RAP1GDS1: variants seen among roughly 807,000 people sequenced by gnomAD.
RAP1GDS1 encodes the protein Rap1 GTPase-GDP dissociation stimulator 1, also known as RAP1, GTP-GDP dissociation stimulator 1.
In RAP1GDS1, 35 loss-of-function variants were observed where a neutral mutation model predicts 71.1. The ratio of observed to expected loss-of-function variants is 0.49; its 90% CI spans 0.38 to 0.65. The LOEUF (loss-of-function observed/expected upper bound fraction) is 0.65, where lower values mean the gene tolerates loss of function less well. Among genes scored for constraint, RAP1GDS1 ranks in the 30% least tolerant of loss-of-function variants. RAP1GDS1 has a pLI of 0.00. For synonymous variants in RAP1GDS1, 229 were observed against 243.1 expected (o/e 0.94, Z 0.54); for missense variants, 663 against 706.1 (o/e 0.94, Z 0.69).
chr4:98,386,943 A>G (rs554734173), intron 5 of RAP1GDS1, among the ~76,000 whole-genome samples: 1 of 152,240 alleles, frequency 6.6e-6, no homozygotes, highest in South Asian at 2.1e-4. Context: ...CAGATATGTC[A>G]TTAAATCAAA....
rs890171384 is a variant in RAP1GDS1, at chr4:98,293,335, T to C, written c.5-73T>C. On this transcript the variant is annotated intron_variant, in intron 1 of 14. Coordinates refer to ENST00000408927, the MANE Select transcript of RAP1GDS1 (RefSeq NM_001100427.2). ...GGAAGCTCTCCAGTTTAGTGGTAAC[T>C]GTTTATCCTTTTGTCATGTAACATA... The C allele has an allele frequency of 7.1e-6, 7 of 990,844 alleles. No homozygotes were observed. The African/African-American group carries it at 9.9e-5, about 14-fold the overall frequency. 61.4% of individuals were successfully genotyped at this position (990,844 alleles called of 1,614,324 possible).
intron 4 of RAP1GDS1, among the ~76,000 whole-genome samples, chr4:98,372,614 C>T (rs907290316): frequency 1.3e-5 from 2 of 152,188 alleles, no homozygotes; most frequent in Non-Finnish European, 2.9e-5. Context: ...CACTTCCTCC[C>T]TTAAATCTTT....
chr4:98,330,644 C>T (rs1406648049), intron 2 of RAP1GDS1, among the ~76,000 whole-genome samples: 26 of 151,062 alleles, frequency 1.7e-4, no homozygotes, highest in Non-Finnish European at 3.8e-4. Context: ...CAGAGACGCT[C>T]CTCACTTCCT....
In RAP1GDS1 at chr4:98,262,343, T is replaced by C. The variant is rs73832186; in HGVS notation, c.4+774T>C. Among the ~76,000 whole-genome samples, 752 of 152,358 alleles carry C rather than the reference T, an allele frequency of 4.9e-3. 7 individuals are homozygous for C. The highest frequency in any genetic ancestry group is 0.018 in the South Asian group (87 of 4,832). On this transcript the variant is annotated intron_variant, in intron 1 of 14. Transcript: ENST00000408927. ...TGGTAGTTATTCTTTCCCAGCTTCC[T>C]CCTGTCTAATCTGCATAATCTGATT...
intron 2 of RAP1GDS1, among the ~76,000 whole-genome samples, chr4:98,332,788 C>T (rs1282272106): frequency 6.6e-6 from 1 of 152,122 alleles, no homozygotes; most frequent in African/African-American, 2.4e-5. Flanking sequence ...AAACCTTGTT[C>T]TAACACAGGG....
chr4:98,399,764 A>G (rs1026687253), intron 6 of RAP1GDS1, among the ~76,000 whole-genome samples: 3 of 152,216 alleles, frequency 2.0e-5, no homozygotes, highest in Non-Finnish European at 4.4e-5. Context: ...GGCTATTATT[A>G]AAAAGACAAA....
intron 12 of RAP1GDS1, among the ~76,000 whole-genome samples, chr4:98,426,641 T>C (rs1749652875): frequency 6.6e-6 from 1 of 151,686 alleles, no homozygotes; most frequent in African/African-American, 2.4e-5. Flanking sequence ...CCTGGAAAAA[T>C]ACAACCTTGC....
At chr4:98,346,700 A>G (rs1351980967) in intron 3 of RAP1GDS1, among the ~76,000 whole-genome samples, 1 of 151,932 alleles carries the variant, frequency 6.6e-6, no homozygotes, top group Non-Finnish European at 1.5e-5. Flanking sequence ...ACGTACCACC[A>G]CACCCGGCTA....
chr4:98,355,796 G>A (rs1165355393), intron 4 of RAP1GDS1, among the ~76,000 whole-genome samples: 3 of 152,034 alleles, frequency 2.0e-5, no homozygotes, highest in African/African-American at 4.8e-5. Context: ...GGAAGAAAAC[G>A]GCCTTATATA....
At chr4:98,336,115 C>G (rs1734688740) in intron 2 of RAP1GDS1, among the ~76,000 whole-genome samples, 1 of 152,058 alleles carries the variant, frequency 6.6e-6, no homozygotes, top group Non-Finnish European at 1.5e-5. Context: ...TATTTTTTCA[C>G]TATGTTTTAT....
intron 4 of RAP1GDS1, among the ~76,000 whole-genome samples, chr4:98,369,972 A>G (rs1740117671): frequency 6.6e-6 from 1 of 152,250 alleles, no homozygotes; most frequent in Non-Finnish European, 1.5e-5. Context: ...GTTCTGGAAA[A>G]CATGGCTATG....
chr4:98,392,072 C>G lies in RAP1GDS1; in HGVS notation c.629C>G (p.Ala210Gly). 1 of 1,611,640 alleles carries G rather than the reference C, an allele frequency of 6.2e-7. No homozygotes were observed. The highest frequency in any genetic ancestry group is 8.5e-7 in the Non-Finnish European group (1 of 1,178,982). The stretch of plus-strand genomic sequence containing the variant: ...TGTCTTGTTGCATTTGGTAATTTAG[C>G]AGAACTTGGTAAGTCTTAGTCATGA... ...EMCLVAFGNL[A>G]ELESSKEQFA... Residue 210 changes from alanine to glycine, a missense_variant, in exon 6 of 15, where the codon GCA (alanine) becomes GGA (glycine). Physicochemically the swap from Ala to Gly is moderately conservative, Grantham distance 60. Coordinates refer to ENST00000408927, the MANE Select transcript of RAP1GDS1 (RefSeq NM_001100427.2).
At chr4:98,351,521 T>G (rs1242711398) in intron 3 of RAP1GDS1, among the ~76,000 whole-genome samples, 1 of 152,128 alleles carries the variant, frequency 6.6e-6, no homozygotes, top group Non-Finnish European at 1.5e-5. Context: ...AGATAGTGAT[T>G]TTTTTAGTAG....
intron 4 of RAP1GDS1, among the ~76,000 whole-genome samples, chr4:98,374,427 G>A (rs1048837281): frequency 3.3e-5 from 5 of 151,838 alleles, no homozygotes; most frequent in East Asian, 1.9e-4. Context: ...ATCCTGTAAC[G>A]TAGTCATTAT....
At chr4:98,438,567 C>CATATATATATATATATATATATATAT (rs36034058) in intron 14 of RAP1GDS1, among the ~76,000 whole-genome samples, 27 of 104,728 alleles carry the variant, frequency 2.6e-4, no homozygotes, top group African/African-American at 4.2e-4. Flanking sequence ...TTTATTCTTC[C>CATATATATATATATATATATATATAT]ATATATATAT....
intron 1 of RAP1GDS1, among the ~76,000 whole-genome samples, chr4:98,264,380 G>C (rs1300862196): frequency 1.3e-5 from 2 of 152,052 alleles, no homozygotes; most frequent in African/African-American, 4.8e-5. Context: ...TGGGCAACAA[G>C]AGGGAAACTC....
chr4:98,424,761 C>T (rs1322610762), intron 12 of RAP1GDS1, among the ~76,000 whole-genome samples: 1 of 139,834 alleles, frequency 7.2e-6, no homozygotes, highest in African/African-American at 2.7e-5. Flanking sequence ...ACTCCCAAGA[C>T]TCTGTCTCCA....
intron 4 of RAP1GDS1, among the ~76,000 whole-genome samples, chr4:98,353,076 A>G (rs997382024): frequency 1.3e-5 from 2 of 152,208 alleles, no homozygotes; most frequent in African/African-American, 2.4e-5. Flanking sequence ...CATTGACTCC[A>G]TTCCTGTTTG....
intron 2 of RAP1GDS1, among the ~76,000 whole-genome samples, chr4:98,296,398 T>A (rs1727758819): frequency 6.6e-6 from 1 of 152,112 alleles, no homozygotes; most frequent in Admixed American, 6.6e-5. Context: ...TTTCTTTTTT[T>A]ACCATTGGCA....
Sources: gnomAD v4.1 joint callset for allele counts (sites outside exome capture counted in the v4.1 genomes callset) on GRCh38, gnomAD v4.1.1 for gene constraint, MANE v1.5 for transcripts, NCBI Gene and HGNC (gene_info 2026-07-23, HGNC 2026-07-21) for gene names.